Variants in SERAC1 observed in about 807,000 individuals in gnomAD.
SERAC1 encodes the protein serine active site containing 1.
A neutral mutation model predicts 85.7 loss-of-function variants in SERAC1; 36 were observed. The ratio of observed to expected loss-of-function variants is 0.42; its 90% CI spans 0.32 to 0.55. SERAC1 has a LOEUF of 0.55. Among genes scored for constraint, SERAC1 ranks in the 20% least tolerant of loss-of-function variants. The pLI is 0.11. For missense variants in SERAC1, 629 were observed against 796.2 expected, an observed-to-expected ratio of 0.79 and a Z score of 2.53; for synonymous variants, 242 against 265.3, an observed-to-expected ratio of 0.91 and a Z score of 0.85.
chr6:158,114,625 T>C, intron 15 of SERAC1, 164 bp downstream of exon 15: 1 of 1,365,196 alleles, frequency 7.3e-7, no homozygotes, highest in Non-Finnish European at 9.5e-7. Context: ...TGAGAAATTA[T>C]CAAAGAAAAA....
chr6:158,141,091 C>A (rs760243564), intron 8 of SERAC1, among the ~76,000 whole-genome samples: 1 of 152,188 alleles, frequency 6.6e-6, no homozygotes, highest in Non-Finnish European at 1.5e-5. Context: ...CATAGCCATA[C>A]AATGGACTAT....
At chr6:158,149,008 G>A in intron 4 of SERAC1, 54 bp from the exon 5 acceptor site, 2 of 1,319,086 alleles carry the variant, frequency 1.5e-6, no homozygotes, top group Non-Finnish European at 2.1e-6. Context: ...TTTTTCTTTT[G>A]AGATGGAATC....
rs34270473 is a variant in SERAC1, at chr6:158,158,275, A to G, written c.89T>C (p.Ile30Thr). 1.8e-3 allele frequency: 2,866 copies of G among 1,596,892 alleles called. 49 individuals are homozygous for G. The African/African-American group carries it at 0.033, about 18-fold the overall frequency. Residue 30 changes from isoleucine (I) to threonine (T), a missense_variant and splice_region_variant, in exon 2 of 17, where the codon ATC (isoleucine) becomes ACC (threonine). Transcript: ENST00000647468. ...PPKSGTHWRDIRNIIKFTGSL... is the reference protein window; with the variant it reads ...PPKSGTHWRDTRNIIKFTGSL... The stretch of plus-strand genomic sequence containing the variant: ...AGAGTTGTTTAAGCTGTACTCACTG[A>G]TATCTCTCCAGTGTGTGCCACTTTT...
chr6:158,157,965 C>T (rs963424378), intron 2 of SERAC1, among the ~76,000 whole-genome samples: 5 of 152,114 alleles, frequency 3.3e-5, no homozygotes, highest in Admixed American at 3.3e-4. Flanking sequence ...TTCCCAGAAC[C>T]TAATATGGGT....
At chr6:158,131,061 T>C (rs1240009904) in intron 8 of SERAC1, among the ~76,000 whole-genome samples, 1 of 151,950 alleles carries the variant, frequency 6.6e-6, no homozygotes, top group Non-Finnish European at 1.5e-5. Flanking sequence ...ATTTCTAACA[T>C]ATTAAAACAT....
chr6:158,123,364 T>C (rs1784463619), intron 10 of SERAC1, among the ~76,000 whole-genome samples: 1 of 152,222 alleles, frequency 6.6e-6, no homozygotes, highest in South Asian at 2.1e-4. Context: ...GGAGGGCTTA[T>C]AAAAGAGGTG....
chr6:158,143,295 A>G, intron 7 of SERAC1, 111 bp from the exon 8 acceptor site: 1 of 768,922 alleles, frequency 1.3e-6, no homozygotes. Flanking sequence ...GCCATATATT[A>G]TGTGTGCATG....
rs181616889 is a variant in SERAC1, at chr6:158,118,880, T to C, written c.1308+149A>G. On this transcript the variant is annotated intron_variant, in intron 12 of 16. Transcript: ENST00000647468. ...CAACATAGGGTGACAAGCCCAGTTG[T>C]TGTCAAAACATACTACAAATCTCCC... 6.8e-4 allele frequency: 610 copies of C among 896,994 alleles called. 2 individuals carry two copies. The highest frequency in any genetic ancestry group is 2.6e-3 in the South Asian group (119 of 46,580). 55.6% of individuals were successfully genotyped at this position (896,994 alleles called of 1,614,324 possible). A position where few individuals can be genotyped will look rare whatever the true frequency, so the allele number is the denominator to read the frequency against.
chr6:158,117,457 T>A lies in SERAC1; in HGVS notation c.1403+270A>T. Reference sequence around the variant, plus strand: ...TACTTCTGATAGAAAAGGAGACTGCTAGACAATCCACGATCCTTCACTATT... The same window carrying A: ...TACTTCTGATAGAAAAGGAGACTGCAAGACAATCCACGATCCTTCACTATT... On this transcript the variant is annotated intron_variant, in intron 13 of 16. Transcript: ENST00000647468. This position sits in a 1 kb window ranked among gnomAD's most constrained non-coding sequence, Gnocchi z 4.3. 1 of 1,501,024 alleles carries A rather than the reference T, an allele frequency of 6.7e-7. No homozygotes were observed. Among genetic ancestry groups the A allele is most frequent in the Non-Finnish European group, 9.0e-7 (1 of 1,110,324 alleles). 93.0% of individuals were successfully genotyped at this position (1,501,024 alleles called of 1,614,324 possible).
chr6:158,160,801 T>C (rs937980893), intron 1 of SERAC1: 1 of 152,050 alleles, frequency 6.6e-6, no homozygotes, highest in African/African-American at 2.4e-5. Context: ...ATTAGAATGC[T>C]TTAAATACGA....
Position 158,111,571 on chromosome 6 carries a change from A to C in SERAC1, c.1829-69T>G. ...GCTTTCCCCTTGACAATACTGAAAG[A>C]GGCCGAATGGGTAGTTCTAGACATT... is the stretch of plus-strand genomic sequence containing the variant. On this transcript the variant is annotated intron_variant, in intron 16 of 16. Transcript: ENST00000647468. 3.2e-6 allele frequency: 4 copies of C among 1,255,764 alleles called. No homozygotes were observed. In the East Asian group the frequency reaches 9.9e-5, roughly 31 times the overall value. The allele number at this position is 1,255,764 out of a possible 1,614,324, so 77.8% of individuals were successfully genotyped here.
intron 1 of SERAC1, among the ~76,000 whole-genome samples, chr6:158,165,728 T>G (rs1345997622): frequency 6.6e-6 from 1 of 152,202 alleles, no homozygotes. Context: ...ATGTTGCCCT[T>G]GATTCCTTGT....
Position 158,138,692 on chromosome 6 carries a change from G to T in SERAC1, c.738+4364C>A, listed in dbSNP as rs1250680012. On this transcript the variant is annotated intron_variant, in intron 8 of 16. Transcript: ENST00000647468. ...TAAATAGCCTGGTCCCAACCAAGCT[G>T]AAACTATCAGATGTTAGACAAGGCC... Among the ~76,000 whole-genome samples, 5 of 152,058 alleles carry T rather than the reference G, an allele frequency of 3.3e-5. No homozygotes were observed. The South Asian group carries it at 1.0e-3, about 32-fold the overall frequency.
Position 158,117,533 on chromosome 6 carries a change from T to C in SERAC1, c.1403+194A>G, listed in dbSNP as rs1784318985. 7 of 1,550,662 alleles carry C rather than the reference T, an allele frequency of 4.5e-6. No homozygotes were observed. Among genetic ancestry groups the C allele is most frequent in the Non-Finnish European group, 6.1e-6 (7 of 1,146,954 alleles). ...AGGAGCCCACCATTGGTGATATACC[T>C]AAGCCTTCTACTATTCCACTGCTTA... On this transcript the variant is annotated intron_variant, in intron 13 of 16. Transcript: ENST00000647468. The surrounding 1 kb of genome is among the most constrained non-coding windows in gnomAD (Gnocchi z 4.3).
intron 10 of SERAC1, among the ~76,000 whole-genome samples, chr6:158,127,382 G>A: frequency 1.5e-5 from 1 of 66,156 alleles, no homozygotes; most frequent in Non-Finnish European, 3.2e-5. Context: ...GGGGGGGTCA[G>A]CCCCCCTGCC....
At position 158,158,259 on chromosome 6, in the gene SERAC1, T is replaced by G. The variant is rs760011169; in HGVS notation, c.91+14A>C. On this transcript the variant is annotated intron_variant, in intron 2 of 16. Coordinates refer to ENST00000647468, the MANE Select transcript of SERAC1 (RefSeq NM_032861.4). ...TTCCTATAAGAAAATAAGAGTTGTT[T>G]AAGCTGTACTCACTGATATCTCTCC... 4.5e-6 allele frequency: 7 copies of G among 1,570,100 alleles called. No individual in the cohort carries two copies. The highest frequency in any genetic ancestry group is 6.1e-6 in the Non-Finnish European group (7 of 1,144,032).
intron 1 of SERAC1, among the ~76,000 whole-genome samples, chr6:158,167,829 G>A (rs1409309286): frequency 6.6e-6 from 1 of 152,032 alleles, no homozygotes; most frequent in East Asian, 1.9e-4. Context: ...GACTGGTGAG[G>A]CCCTTTCCTC....
intron 1 of SERAC1, among the ~76,000 whole-genome samples, chr6:158,166,762 T>C (rs930368632): frequency 5.3e-5 from 8 of 152,308 alleles, no homozygotes; most frequent in Non-Finnish European, 1.0e-4. Context: ...AATAGTGTCT[T>C]TTTATTATTA....
intron 1 of SERAC1, chr6:158,160,819 CTATCT>C (rs1203364551): frequency 6.7e-6 from 1 of 149,170 alleles, no homozygotes; most frequent in African/African-American, 2.6e-5. Context: ...CGATCCTCTC[CTATCT>C]TGTCTAGTAT....
Sources: allele counts gnomAD v4.1 joint callset (sites outside exome capture counted in the v4.1 genomes callset), GRCh38; gene constraint gnomAD v4.1.1; non-coding constraint Gnocchi (gnomAD v3.1); transcripts MANE v1.5; gene names NCBI Gene and HGNC (gene_info 2026-07-23, HGNC 2026-07-21).